Variants in FOXP2 observed in about 807,000 individuals in gnomAD.
FOXP2 encodes the protein forkhead box P2.
A neutral mutation model predicts 115.8 loss-of-function variants in FOXP2; 12 were observed. The observed-to-expected ratio is 0.10, with a 90% CI of 0.07 to 0.17. The LOEUF is 0.17. Ranked by LOEUF, FOXP2 falls within the 10% of genes least tolerant of loss-of-function variation. FOXP2 has a pLI of 1.00. For synonymous variants in FOXP2, 328 were observed against 297.7 expected, an observed-to-expected ratio of 1.10 and a Z score of -1.05; for missense variants, 629 against 843.5, an observed-to-expected ratio of 0.75 and a Z score of 3.15.
At chr7:114,291,997 A>C (rs1231103135) in intron 2 of FOXP2, among the ~76,000 whole-genome samples, 2 of 146,650 alleles carry the variant, frequency 1.4e-5, no homozygotes, top group African/African-American at 4.9e-5. Context: ...TATATATTAT[A>C]GATAATATAT....
chr7:114,086,444 G>A (rs1799413588), upstream of FOXP2: 4 of 341,942 alleles, frequency 1.2e-5, no homozygotes, highest in Non-Finnish European at 2.3e-5. Flanking sequence ...TTATGCGGCG[G>A]CCGCGTCCGC....
chr7:114,234,081 G>A (rs1263834308), intron 1 of FOXP2, among the ~76,000 whole-genome samples: 1 of 152,112 alleles, frequency 6.6e-6, no homozygotes, highest in Non-Finnish European at 1.5e-5. Flanking sequence ...GATTACGTGT[G>A]TTTTTCTTCC....
chr7:114,499,993 A>G (rs1797493233), intron 2 of FOXP2, among the ~76,000 whole-genome samples: 1 of 152,102 alleles, frequency 6.6e-6, no homozygotes. Flanking sequence ...AGGTGGGTGG[A>G]TCACGAGGTC....
At chr7:114,386,622 A>G (rs1397801188) in intron 2 of FOXP2, among the ~76,000 whole-genome samples, 1 of 152,194 alleles carries the variant, frequency 6.6e-6, no homozygotes, top group African/African-American at 2.4e-5. Flanking sequence ...TGAAGGTGTC[A>G]CACTGAACCA....
chr7:114,366,850 T>C (rs1055937126), intron 2 of FOXP2, among the ~76,000 whole-genome samples: 17 of 152,258 alleles, frequency 1.1e-4, no homozygotes, highest in Admixed American at 9.8e-4. Context: ...TTAGACTTTT[T>C]TTTTCTAAAA....
intron 1 of FOXP2, among the ~76,000 whole-genome samples, chr7:114,275,334 T>G (rs1483718263): frequency 6.6e-6 from 1 of 152,178 alleles, no homozygotes; most frequent in Non-Finnish European, 1.5e-5. Flanking sequence ...TCTTAAATAC[T>G]CTGTTTTGTT....
At chr7:114,382,595 C>CT (rs890691199) in intron 2 of FOXP2, among the ~76,000 whole-genome samples, 50 of 148,538 alleles carry the variant, frequency 3.4e-4, no homozygotes, top group South Asian at 1.7e-3. Context: ...AAGCAGTGGC[C>CT]TTTTTTTTTT....
At chr7:114,274,643 C>G (rs1245547819) in intron 1 of FOXP2, among the ~76,000 whole-genome samples, 1 of 69,308 alleles carries the variant, frequency 1.4e-5, no homozygotes, top group Non-Finnish European at 2.6e-5. Flanking sequence ...GAGGCAGGAT[C>G]TTACTCTGTT....
intron 1 of FOXP2, among the ~76,000 whole-genome samples, chr7:114,256,336 A>T (rs933601744): frequency 2.0e-5 from 3 of 152,004 alleles, no homozygotes; most frequent in Non-Finnish European, 2.9e-5. Context: ...CAAACTCCCA[A>T]CCTCAGGTGA....
At chr7:114,405,641 G>C (rs1245269377) in intron 2 of FOXP2, among the ~76,000 whole-genome samples, 1 of 151,812 alleles carries the variant, frequency 6.6e-6, no homozygotes, top group Non-Finnish European at 1.5e-5. Flanking sequence ...CTGCCTACTG[G>C]TAAGAAATAG....
intron 2 of FOXP2, among the ~76,000 whole-genome samples, chr7:114,490,207 A>C (rs1023168260): frequency 6.6e-6 from 1 of 152,184 alleles, no homozygotes; most frequent in Admixed American, 6.6e-5. Flanking sequence ...ATTGTGGCAT[A>C]TATAGACAAT....
intron 2 of FOXP2, among the ~76,000 whole-genome samples, chr7:114,321,526 A>T (rs1797422351): frequency 6.6e-6 from 1 of 152,136 alleles, no homozygotes; most frequent in Non-Finnish European, 1.5e-5. Flanking sequence ...AAGTTGTCTC[A>T]TTAAAAATAG....
intron 2 of FOXP2, among the ~76,000 whole-genome samples, chr7:114,362,866 G>C (rs995261173): frequency 6.6e-6 from 1 of 152,084 alleles, no homozygotes; most frequent in Non-Finnish European, 1.5e-5. Flanking sequence ...AGGGAATTAA[G>C]AGGAGCATAG....
intron 2 of FOXP2, among the ~76,000 whole-genome samples, chr7:114,307,692 G>A (rs974259833): frequency 1.3e-5 from 2 of 152,098 alleles, no homozygotes; most frequent in Non-Finnish European, 2.9e-5. Context: ...AAGCCAATTG[G>A]GCATCAGGAG....
At chr7:114,653,650 T>C (rs1047973956) in intron 9 of FOXP2, among the ~76,000 whole-genome samples, 27 of 152,160 alleles carry the variant, frequency 1.8e-4, no homozygotes, top group African/African-American at 6.3e-4. Flanking sequence ...CAGTAACTTG[T>C]TACTGTCGAG....
At chr7:114,346,097 A>G (rs754532841) in intron 2 of FOXP2, among the ~76,000 whole-genome samples, 14 of 151,858 alleles carry the variant, frequency 9.2e-5, no homozygotes, top group Non-Finnish European at 1.6e-4. Flanking sequence ...TACTCCTATT[A>G]TGCAATTTTA....
chr7:114,181,274 A>AT (rs1442674875), intron 1 of FOXP2, among the ~76,000 whole-genome samples: 10 of 74,536 alleles, frequency 1.3e-4, no homozygotes, highest in East Asian at 6.2e-4. Context: ...ATCCTAATAA[A>AT]TTAATATATA....
intron 2 of FOXP2, among the ~76,000 whole-genome samples, chr7:114,338,352 C>G (rs1797908844): frequency 6.6e-6 from 1 of 150,666 alleles, no homozygotes; most frequent in South Asian, 2.1e-4. Context: ...TTTTTATGAG[C>G]AATAATAAGC....
intron 1 of FOXP2, among the ~76,000 whole-genome samples, chr7:114,271,890 CATT>C (rs1356838950): frequency 7.4e-5 from 9 of 121,412 alleles, no homozygotes; most frequent in South Asian, 2.4e-4. Flanking sequence ...TAATTATAAA[CATT>C]AATATAATTA....
Sources: gnomAD v4.1 joint callset for allele counts (sites outside exome capture counted in the v4.1 genomes callset) on GRCh38, gnomAD v4.1.1 for gene constraint, MANE v1.5 for transcripts, NCBI Gene and HGNC (gene_info 2026-07-23, HGNC 2026-07-21) for gene names.